TRIM3: variants seen among roughly 807,000 people sequenced by gnomAD.
The protein encoded by TRIM3 is tripartite motif-containing protein 3.
A neutral mutation model predicts 66.6 loss-of-function variants in TRIM3; 13 were observed. The ratio of observed to expected loss-of-function variants is 0.20; its 90% CI spans 0.13 to 0.31. The LOEUF (loss-of-function observed/expected upper bound fraction) is 0.31. Among genes scored for constraint, TRIM3 ranks in the 10% least tolerant of loss-of-function variants. The pLI is 1.00. For missense variants in TRIM3, 711 were observed against 1,020.4 expected (o/e 0.70, Z 4.13); for synonymous variants, 406 against 411.7 (o/e 0.99, Z 0.17).
intron 2 of TRIM3, among the ~76,000 whole-genome samples, chr11:6,463,176 G>C (rs1850316497): frequency 6.6e-6 from 1 of 152,096 alleles, no homozygotes; most frequent in Admixed American, 6.5e-5. Flanking sequence ...CTGCACTCCA[G>C]CCTGGGTGAC....
intron 7 of TRIM3, among the ~76,000 whole-genome samples, chr11:6,453,959 G>A (rs1458007943): frequency 6.6e-6 from 1 of 152,202 alleles, no homozygotes; most frequent in Non-Finnish European, 1.5e-5. Context: ...TCTGAGCCAG[G>A]CTCCTAGCAG....
At position 6,450,000 on chromosome 11, in the gene TRIM3, G is replaced by C. The variant is rs78515653; in HGVS notation, c.1941+551C>G. 201 of 159,460 alleles carry C rather than the reference G, an allele frequency of 1.3e-3. No individual in the cohort carries two copies. The highest frequency in any genetic ancestry group is 1.7e-3 in the Non-Finnish European group (124 of 72,404). The allele number at this position is 159,460 out of a possible 1,614,324, so 9.9% of individuals were successfully genotyped here. A position where few individuals can be genotyped will look rare whatever the true frequency, so the allele number is the denominator to read the frequency against. ...TGACTCCCCATAGCTCTTGGGAGGA[G>C]AGCAAGCCCCTTAAGGGGGCACACA... On this transcript the variant is annotated intron_variant, in intron 10 of 11. Transcript: ENST00000345851. This position sits in a 1 kb window ranked among gnomAD's most constrained non-coding sequence, Gnocchi z 5.3.
rs950711050 is a variant in TRIM3 at position 6,465,806 on chromosome 11, C to T, written c.-37-74G>A. The T allele has an allele frequency of 1.7e-5, 24 of 1,423,118 alleles. No individual in the cohort carries two copies. The Admixed American group carries it at 4.2e-4, about 25-fold the overall frequency. The allele number at this position is 1,423,118 out of a possible 1,614,324, so 88.2% of individuals were successfully genotyped here. ...CACCCAATCCCCGCCACTCAAATCC[C>T]CTGCAGAGAACTTGCCCCCACCTCT... On this transcript the variant is annotated intron_variant, in intron 1 of 11. Transcript: ENST00000345851.
intron 1 of TRIM3, among the ~76,000 whole-genome samples, chr11:6,470,368 A>G (rs1046295146): frequency 6.6e-6 from 1 of 152,170 alleles, no homozygotes; most frequent in Non-Finnish European, 1.5e-5. Flanking sequence ...TGAGAGGGTG[A>G]TAAGTTTGGT....
intron 1 of TRIM3, among the ~76,000 whole-genome samples, chr11:6,471,191 C>G (rs148121496): frequency 4.8e-4 from 73 of 152,346 alleles, no homozygotes; most frequent in African/African-American, 1.6e-3. Flanking sequence ...TACAATCTCA[C>G]AGGATTCCCA....
Position 6,450,420 on chromosome 11 carries a change from T to G in TRIM3, c.1941+131A>C, listed in dbSNP as rs898851754. 7.5e-6 allele frequency: 6 copies of G among 796,432 alleles called. No homozygotes were observed. The African/African-American group carries it at 1.0e-4, about 14-fold the overall frequency. 49.3% of individuals were successfully genotyped at this position (796,432 alleles called of 1,614,324 possible). A position where few individuals can be genotyped will look rare whatever the true frequency, so the allele number is the denominator to read the frequency against. ...CTGCCTGGGACAAAGCAGCCATGCA[T>G]AAATGTGTAAATGTGTATTGTTTGA... On this transcript the variant is annotated intron_variant, in intron 10 of 11. Coordinates refer to ENST00000345851, the MANE Select transcript of TRIM3 (RefSeq NM_033278.4). This position sits in a 1 kb window ranked among gnomAD's most constrained non-coding sequence, Gnocchi z 4.8.
chr11:6,457,411 T>C lies in TRIM3; in HGVS notation c.581A>G (p.Lys194Arg), dbSNP rs1308606616. Residue 194 changes from lysine to arginine, a missense_variant, in exon 5 of 12, where the codon AAG becomes AGG. Around this residue, in one of 3 missense-constraint regions of TRIM3, gnomAD observed 399 missense variants for 458.1 expected, o/e 0.87. Coordinates refer to ENST00000345851, the MANE Select transcript of TRIM3 (RefSeq NM_033278.4). This position sits in a 1 kb window ranked among gnomAD's most constrained non-coding sequence, Gnocchi z 4.5. ...GGISQQLQERKAEALAQISAA... is the reference protein window; with the variant it reads ...GGISQQLQERRAEALAQISAA... ...ACTGATCTGGGCCAGGGCCTCTGCC[T>C]TGCGCTCCTGCAGCTGCTGGCTGAT... 6.2e-7 allele frequency: 1 copy of C among 1,613,756 alleles called. No homozygotes were observed. The highest frequency in any genetic ancestry group is 2.2e-5 in the East Asian group (1 of 44,886).
At chr11:6,464,085 G>T (rs1273881145) in intron 2 of TRIM3, among the ~76,000 whole-genome samples, 1 of 152,094 alleles carries the variant, frequency 6.6e-6, no homozygotes, top group Non-Finnish European at 1.5e-5. Flanking sequence ...AGAGATAAGG[G>T]CCCAAGAGAA....
rs1589836772 is a variant in TRIM3, at chr11:6,465,413, C to T, written c.131+152G>A. 1.2e-5 allele frequency: 10 copies of T among 838,718 alleles called. No individual in the cohort carries two copies. In the South Asian group the frequency reaches 1.4e-4, roughly 12 times the overall value. The allele number at this position is 838,718 out of a possible 1,614,324, so 52.0% of individuals were successfully genotyped here. A position where few individuals can be genotyped will look rare whatever the true frequency, so the allele number is the denominator to read the frequency against. On this transcript the variant is annotated intron_variant, in intron 2 of 11. Transcript: ENST00000345851. ...CTTGCCCTCAAAACCTCATTTCCTG[C>T]AGGTTGGGGTTCACCTGCTCTCCTC...
At chr11:6,452,743 C>T (rs752748088) in intron 7 of TRIM3, 6 of 152,180 alleles carry the variant, frequency 3.9e-5, no homozygotes, top group Non-Finnish European at 7.3e-5. Flanking sequence ...TGAGGGGGCA[C>T]TAAAAGGTAC....
intron 1 of TRIM3, among the ~76,000 whole-genome samples, chr11:6,467,422 G>A (rs1850512543): frequency 6.6e-6 from 1 of 152,138 alleles, no homozygotes; most frequent in Non-Finnish European, 1.5e-5. Context: ...AGGTGAGTTT[G>A]GGAAGATAGG....
rs530952287 is a variant in TRIM3 at position 6,456,400 on chromosome 11, G to A, written c.1326C>T (p.Gly442=). ...KRRVKSPGGP[G]SHVRQKAVRR... ...GCACTGCCTTCTGGCGCACATGGCT[G>A]CCGGGGCCGCCAGGGGACTTGACAC... The change falls in exon 6 of 12, where the codon GGC becomes GGT. Residue 442 remains glycine (G), a synonymous_variant. Transcript: ENST00000345851. The surrounding 1 kb of genome is among the most constrained non-coding windows in gnomAD (Gnocchi z 6.4). 1 of 1,530,154 alleles carries A rather than the reference G, an allele frequency of 6.5e-7. No homozygotes were observed. The highest frequency in any genetic ancestry group is 1.4e-5 in the African/African-American group (1 of 72,380). 94.8% of individuals were successfully genotyped at this position (1,530,154 alleles called of 1,614,324 possible).
At position 6,459,674 on chromosome 11, in the gene TRIM3, T is replaced by C. The variant is rs188343949; in HGVS notation, c.132-1378A>G. ...GGATTTAGGCAATAGTAATGTAGAC[T>C]ATGAGGTGGAAATAAATTTGAGAAG... On this transcript the variant is annotated intron_variant, in intron 2 of 11. Transcript: ENST00000345851. Among the ~76,000 whole-genome samples, 35 of 152,256 alleles carry C rather than the reference T, an allele frequency of 2.3e-4. No individual in the cohort carries two copies. The East Asian group carries it at 6.8e-3, about 29-fold the overall frequency.
At position 6,457,231 on chromosome 11, in the gene TRIM3, G is replaced by A; in HGVS notation, c.696+65C>T. On this transcript the variant is annotated intron_variant, in intron 5 of 11. Coordinates refer to ENST00000345851, the MANE Select transcript of TRIM3 (RefSeq NM_033278.4). This position sits in a 1 kb window ranked among gnomAD's most constrained non-coding sequence, Gnocchi z 4.5. ...TGGGGAGCTGGTGTGGAAGACAGAG[G>A]AACAATGGAGGCAATAACACCATCA... 1.9e-6 allele frequency: 3 copies of A among 1,580,448 alleles called. No individual in the cohort carries two copies. The highest frequency in any genetic ancestry group is 2.2e-5 in the East Asian group (1 of 44,568).
chr11:6,457,351 T>A lies in TRIM3; in HGVS notation c.641A>T (p.Gln214Leu). The A allele has an allele frequency of 6.2e-7, 1 of 1,614,168 alleles. No individual in the cohort carries two copies. Among genetic ancestry groups the A allele is most frequent in the Non-Finnish European group, 8.5e-7 (1 of 1,180,038 alleles). Residue 214 changes from glutamine to leucine, a missense_variant, in exon 5 of 12, where the codon CAG (glutamine) becomes CTG (leucine). Gln to Leu is a moderately radical substitution (Grantham distance 113). Transcript: ENST00000345851. This position sits in a 1 kb window ranked among gnomAD's most constrained non-coding sequence, Gnocchi z 4.5. ...AFEDLEQALQ[Q>L]RKQALVSDLE... is the part of the protein sequence containing the mutation. ...GTCGCTGACCAGAGCCTGCTTGCGC[T>A]GCTGCAGTGCTTGCTCCAGGTCCTC... is the stretch of plus-strand genomic sequence containing the variant.
chr11:6,457,200 G>T lies in TRIM3; in HGVS notation c.696+96C>A. On this transcript the variant is annotated intron_variant, in intron 5 of 11. Coordinates refer to ENST00000345851, the MANE Select transcript of TRIM3 (RefSeq NM_033278.4). The surrounding 1 kb of genome is among the most constrained non-coding windows in gnomAD (Gnocchi z 4.5). Reference sequence around the variant, plus strand: ...TGTCAGGAGGCAGAATATCTAGGCTGGGGAATGGGGAGCTGGTGTGGAAGA... The same window carrying T: ...TGTCAGGAGGCAGAATATCTAGGCTTGGGAATGGGGAGCTGGTGTGGAAGA... 3 of 1,540,352 alleles carry T rather than the reference G, an allele frequency of 1.9e-6. No homozygotes were observed. The highest frequency in any genetic ancestry group is 2.6e-6 in the Non-Finnish European group (3 of 1,136,232).
chr11:6,468,556 G>A (rs978795204), intron 1 of TRIM3, among the ~76,000 whole-genome samples: 4 of 152,182 alleles, frequency 2.6e-5, no homozygotes, highest in Non-Finnish European at 5.9e-5. Context: ...AAAAGAATGT[G>A]AAACCAAAGA....
chr11:6,464,544 A>G (rs1382976328), intron 2 of TRIM3, among the ~76,000 whole-genome samples: 1 of 152,228 alleles, frequency 6.6e-6, no homozygotes. Flanking sequence ...TTTGATGACT[A>G]TCTTTCTCTT....
Position 6,471,887 on chromosome 11 carries a change from T to C in TRIM3, c.-38+1904A>G, listed in dbSNP as rs1458833792. ...GAGAAACTAAGAAATATGGAACAGA[T>C]GGACAAGATTGCAAATCTCCAAAAG... On this transcript the variant is annotated intron_variant, in intron 1 of 11. Transcript: ENST00000345851. 2.0e-5 allele frequency among the ~76,000 whole-genome samples: 3 copies of C among 152,106 alleles called. No homozygotes were observed. In the East Asian group the frequency reaches 5.8e-4, roughly 29 times the overall value.
Sources: allele counts gnomAD v4.1 joint callset (sites outside exome capture counted in the v4.1 genomes callset), GRCh38; gene constraint gnomAD v4.1.1; regional missense constraint gnomAD v4.1.1; non-coding constraint Gnocchi (gnomAD v3.1); transcripts MANE v1.5; gene names NCBI Gene and HGNC (gene_info 2026-07-23, HGNC 2026-07-21).